The following DTNBP1 variants were observed in gnomAD, a reference collection of about 807,000 sequenced individuals.
DTNBP1 encodes the protein dystrobrevin binding protein 1, also known as dysbindin.
DTNBP1 carries 35 observed loss-of-function variants against 42.8 expected under a neutral mutation model. The observed-to-expected ratio is 0.82, with a 90% confidence interval of 0.63 to 1.09. The LOEUF is 1.09. DTNBP1 is among the 50% of genes least tolerant of loss of function. DTNBP1 has a pLI of 0.00. For synonymous variants in DTNBP1, 171 were observed against 162.2 expected (o/e 1.05, Z -0.41); for missense variants, 457 against 424.2 (o/e 1.08, Z -0.68).
At position 15,523,111 on chromosome 6, in the gene DTNBP1, G is replaced by T; in HGVS notation, c.920C>A (p.Thr307Asn). Residue 307 changes from threonine to asparagine, a missense_variant, in exon 10 of 10, where the codon ACC becomes AAC. Coordinates refer to ENST00000344537, the MANE Select transcript of DTNBP1 (RefSeq NM_032122.5). ...CTCCCCACCCTCACTGATGTCCCGG[G>T]TGGCCGAGTCGGTGCAGGTGGAGGA... is the stretch of plus-strand genomic sequence containing the variant. Reference protein sequence around the residue: ...SSSSTCTDSATRDISEGGESP... With the variant: ...SSSSTCTDSANRDISEGGESP... The T allele has an allele frequency of 1.9e-6, 3 of 1,614,272 alleles. No homozygotes were observed. The highest frequency in any genetic ancestry group is 2.5e-6 in the Non-Finnish European group (3 of 1,180,054).
chr6:15,627,586 A>AGGGGTT, intron 4 of DTNBP1, 111 bp from the exon 5 acceptor site: 4 of 1,445,748 alleles, frequency 2.8e-6, no homozygotes, highest in South Asian at 1.3e-5. Context: ...TACTCAGTAG[A>AGGGGTT]GATTACGGTA....
intron 6 of DTNBP1, among the ~76,000 whole-genome samples, chr6:15,598,916 G>A (rs1776617002): frequency 6.6e-6 from 1 of 152,104 alleles, no homozygotes; most frequent in African/African-American, 2.4e-5. Flanking sequence ...AATATAAATT[G>A]TATATATCTA....
chr6:15,547,033 G>A (rs1561950628), intron 7 of DTNBP1, among the ~76,000 whole-genome samples: 1 of 147,866 alleles, frequency 6.8e-6, no homozygotes, highest in African/African-American at 2.5e-5. Flanking sequence ...AGCCACATCT[G>A]ACATGTTCCT....
chr6:15,570,813 A>C (rs1203365895), intron 7 of DTNBP1, among the ~76,000 whole-genome samples: 2 of 152,224 alleles, frequency 1.3e-5, no homozygotes, highest in Admixed American at 6.5e-5. Context: ...ATAATATTTG[A>C]ATGTAAACTA....
Position 15,596,043 on chromosome 6 carries a change from G to A in DTNBP1, c.489-2962C>T, listed in dbSNP as rs146742136. On this transcript the variant is annotated intron_variant, in intron 6 of 9. Coordinates refer to ENST00000344537, the MANE Select transcript of DTNBP1 (RefSeq NM_032122.5). ...AGTGAGTACACAGGAAACTCACGTT[G>A]GGGGCACGTGGGGAAGAGCTAATTA... Among the ~76,000 whole-genome samples, 62 of 152,324 alleles carry A rather than the reference G, an allele frequency of 4.1e-4. 2 individuals carry two copies. In the East Asian group the frequency reaches 0.012, roughly 28 times the overall value.
chr6:15,546,649 G>A (rs530300080), intron 7 of DTNBP1, among the ~76,000 whole-genome samples: 2 of 152,266 alleles, frequency 1.3e-5, no homozygotes, highest in South Asian at 4.1e-4. Context: ...AGTAAGAAAT[G>A]CACTTAATCA....
chr6:15,529,243 C>T (rs1772641756), intron 8 of DTNBP1, among the ~76,000 whole-genome samples: 1 of 152,220 alleles, frequency 6.6e-6, no homozygotes, highest in Non-Finnish European at 1.5e-5. Flanking sequence ...TATGACCACG[C>T]CACTGCACTC....
chr6:15,585,064 A>AATATATATATAT (rs59261831), intron 7 of DTNBP1, among the ~76,000 whole-genome samples: 6 of 119,580 alleles, frequency 5.0e-5, no homozygotes, highest in African/African-American at 1.0e-4. Context: ...TTATGAAAAG[A>AATATATATATAT]ATATATATAT....
At chr6:15,567,653 C>T (rs1033016753) in intron 7 of DTNBP1, among the ~76,000 whole-genome samples, 1 of 152,180 alleles carries the variant, frequency 6.6e-6, no homozygotes, top group Non-Finnish European at 1.5e-5. Flanking sequence ...CAATGTACAC[C>T]TCACATGTAT....
At chr6:15,644,794 G>A (rs773308251) in intron 3 of DTNBP1, among the ~76,000 whole-genome samples, 5 of 151,934 alleles carry the variant, frequency 3.3e-5, no homozygotes, top group Non-Finnish European at 7.4e-5. Context: ...GTATTAAGAA[G>A]AAAATTTACA....
In DTNBP1 at chr6:15,582,653, T is replaced by C. The variant is rs574305885; in HGVS notation, c.511+10406A>G. ...ACGATAATTCTTATTACATATACTT[T>C]TATTTTCAGTTAAAAATAAACATAA... On this transcript the variant is annotated intron_variant, in intron 7 of 9. Coordinates refer to ENST00000344537, the MANE Select transcript of DTNBP1 (RefSeq NM_032122.5). Among the ~76,000 whole-genome samples, 288 of 152,204 alleles carry C rather than the reference T, an allele frequency of 1.9e-3. 1 individual carries two copies. The highest frequency in any genetic ancestry group is 3.7e-3 in the Non-Finnish European group (253 of 68,024).
At chr6:15,663,055 C>A (rs1272710778), upstream of DTNBP1, 43 of 739,438 alleles carry the variant, frequency 5.8e-5, no homozygotes, top group South Asian at 7.4e-5. Flanking sequence ...CCGCCCCGCG[C>A]GCGCCAGGCT....
chr6:15,632,293 T>A (rs1759739628), intron 4 of DTNBP1, among the ~76,000 whole-genome samples: 1 of 152,222 alleles, frequency 6.6e-6, no homozygotes, highest in Non-Finnish European at 1.5e-5. Flanking sequence ...TTTTATATCT[T>A]ACTTAAGAAA....
intron 5 of DTNBP1, among the ~76,000 whole-genome samples, chr6:15,618,999 T>C (rs996602685): frequency 1.3e-5 from 2 of 152,172 alleles, no homozygotes; most frequent in Non-Finnish European, 2.9e-5. Context: ...ACTGTATGTT[T>C]TCACCCACAT....
At chr6:15,603,711 G>A (rs1351162173) in intron 6 of DTNBP1, among the ~76,000 whole-genome samples, 2 of 152,146 alleles carry the variant, frequency 1.3e-5, no homozygotes, top group Non-Finnish European at 2.9e-5. Flanking sequence ...TGCTAAGCAC[G>A]TCTTCAGCAG....
chr6:15,618,722 C>T (rs925562092), intron 5 of DTNBP1, among the ~76,000 whole-genome samples: 4 of 152,078 alleles, frequency 2.6e-5, no homozygotes, highest in East Asian at 3.9e-4. Context: ...CCACTACTAT[C>T]GGGAATACAG....
chr6:15,643,209 G>A lies in DTNBP1; in HGVS notation c.162-5405C>T, dbSNP rs568975052. Among the ~76,000 whole-genome samples the A allele has an allele frequency of 6.6e-5, 10 of 152,256 alleles. No individual in the cohort carries two copies. In the South Asian group the frequency reaches 2.1e-3, roughly 32 times the overall value. On this transcript the variant is annotated intron_variant, in intron 3 of 9. Coordinates refer to ENST00000344537, the MANE Select transcript of DTNBP1 (RefSeq NM_032122.5). ...AAGCAGAAGAATTACAGAGCTTGTAGACCAGTCATTCAAATTAACCAAGTC... is the reference window on the plus strand; with the variant it reads ...AAGCAGAAGAATTACAGAGCTTGTAAACCAGTCATTCAAATTAACCAAGTC...
At chr6:15,611,921 G>A (rs1193076692) in intron 6 of DTNBP1, among the ~76,000 whole-genome samples, 1 of 152,148 alleles carries the variant, frequency 6.6e-6, no homozygotes, top group Non-Finnish European at 1.5e-5. Context: ...TTTTTGAAAT[G>A]ACAAGAAAGG....
intron 5 of DTNBP1, among the ~76,000 whole-genome samples, chr6:15,617,629 A>G (rs1758789007): frequency 6.6e-6 from 1 of 152,146 alleles, no homozygotes; most frequent in African/African-American, 2.4e-5. Context: ...TGGGAAATAC[A>G]TGGTCTCATC....
Sources: allele counts gnomAD v4.1 joint callset (sites outside exome capture counted in the v4.1 genomes callset), GRCh38; gene constraint gnomAD v4.1.1; transcripts MANE v1.5; gene names NCBI Gene and HGNC (gene_info 2026-07-23, HGNC 2026-07-21).